The following TFB2M variants were observed in gnomAD, a reference collection of about 807,000 sequenced individuals.
TFB2M encodes transcription factor B2, mitochondrial, also known as dimethyladenosine transferase 2, mitochondrial.
Under a neutral mutation model 41.3 loss-of-function variants are expected in TFB2M, and 44 were observed. The observed-to-expected ratio is 1.07, with a 90% CI of 0.84 to 1.37. The LOEUF (loss-of-function observed/expected upper bound fraction) is 1.37. Ranked by LOEUF, TFB2M falls within the 40% of genes most tolerant of loss-of-function variation. TFB2M has a pLI of 0.00. For synonymous variants in TFB2M, 188 were observed against 176.8 expected, an observed-to-expected ratio of 1.06 and a Z score of -0.50; for missense variants, 496 against 490.2, an observed-to-expected ratio of 1.01 and a Z score of -0.11.
At chr1:246,559,824 G>A (rs1369581621) in intron 2 of TFB2M, among the ~76,000 whole-genome samples, 1 of 152,184 alleles carries the variant, frequency 6.6e-6, no homozygotes, top group African/African-American at 2.4e-5. Context: ...ACACTAGGGA[G>A]AAACAGAGGA....
At chr1:246,561,280 A>AG (rs1659449149) in intron 2 of TFB2M, among the ~76,000 whole-genome samples, 1 of 152,120 alleles carries the variant, frequency 6.6e-6, no homozygotes, top group Non-Finnish European at 1.5e-5. Context: ...GCCTTAATAG[A>AG]GAAAAAACTA....
chr1:246,558,217 G>A (rs1432110136), intron 2 of TFB2M, among the ~76,000 whole-genome samples: 2 of 148,432 alleles, frequency 1.3e-5, no homozygotes, highest in Non-Finnish European at 3.0e-5. Flanking sequence ...CGCAATCCCA[G>A]CTGACTGCAG....
At chr1:246,562,318 G>T in intron 2 of TFB2M, among the ~76,000 whole-genome samples, 1 of 152,212 alleles carries the variant, frequency 6.6e-6, no homozygotes, top group African/African-American at 2.4e-5. Flanking sequence ...ACTGGTTAAA[G>T]ACCCAAAGGA....
At chr1:246,554,259 T>A (rs1659260944) in intron 4 of TFB2M, among the ~76,000 whole-genome samples, 1 of 152,172 alleles carries the variant, frequency 6.6e-6, no homozygotes, top group African/African-American at 2.4e-5. Context: ...AACACTGGAT[T>A]TGGCAATGAT....
Position 246,566,016 on chromosome 1 carries a change from G to C in TFB2M, c.123C>G (p.His41Gln), listed in dbSNP as rs1659656632. 1.2e-6 allele frequency: 2 copies of C among 1,614,204 alleles called. No homozygotes were observed. The highest frequency in any genetic ancestry group is 1.7e-6 in the Non-Finnish European group (2 of 1,180,044). ...ATRKHLPARNHCGLSDSSPQL... is the reference protein window; with the variant it reads ...ATRKHLPARNQCGLSDSSPQL... ...GCGGAGAGGAGTCAGAGAGCCCACA[G>C]TGGTTCCTCGCCGGCAAATGCTTTC... The change falls in exon 1 of 8, where the codon CAC becomes CAG. Residue 41 changes from histidine to glutamine, a missense_variant. Physicochemically the swap from His to Gln is conservative, Grantham distance 24 (BLOSUM62 0). Coordinates refer to ENST00000366514, the MANE Select transcript of TFB2M (RefSeq NM_022366.3).
At chr1:246,554,706 C>T (rs1240669677) in intron 4 of TFB2M, among the ~76,000 whole-genome samples, 1 of 152,022 alleles carries the variant, frequency 6.6e-6, no homozygotes, top group African/African-American at 2.4e-5. Flanking sequence ...AAATGTGATG[C>T]ACTTGAATCA....
chr1:246,552,714 T>A (rs1391700222), intron 4 of TFB2M, among the ~76,000 whole-genome samples: 1 of 151,794 alleles, frequency 6.6e-6, no homozygotes, highest in Non-Finnish European at 1.5e-5. Flanking sequence ...AAATTTCTTT[T>A]AATGTTTTAA....
At chr1:246,550,100 G>C (rs11806038) in intron 5 of TFB2M, among the ~76,000 whole-genome samples, 41,382 of 152,114 alleles carry the variant, frequency 0.27, 6,331 homozygotes, top group East Asian at 0.66. Context: ...ACCTTTGAAA[G>C]CAAATACTAA....
At chr1:246,544,158 T>C (rs1658935236) in intron 7 of TFB2M, among the ~76,000 whole-genome samples, 1 of 152,172 alleles carries the variant, frequency 6.6e-6, no homozygotes, top group Non-Finnish European at 1.5e-5. Flanking sequence ...ACAGAACCAC[T>C]GAAGACAAGC....
rs1283392552 is a variant in TFB2M, at chr1:246,566,061, T to TA, written c.77dup (p.Leu26PhefsTer4). ...GCTTTCGCGTCGCCGCTTCAGACCCTAAAATGCAAAAGCGACCAGCGCCCG... is the reference window on the plus strand; with the variant it reads ...GCTTTCGCGTCGCCGCTTCAGACCCTAAAAATGCAAAAGCGACCAGCGCCCG... On this transcript the variant is annotated frameshift_variant, in exon 1 of 8. Transcript: ENST00000366514. LOFTEE classifies it high-confidence loss of function. 6.2e-7 allele frequency: 1 copy of TA among 1,613,218 alleles called. No homozygotes were observed. The highest frequency in any genetic ancestry group is 8.5e-7 in the Non-Finnish European group (1 of 1,179,698).
rs1558517613 is a variant in TFB2M, at chr1:246,565,915, A to G, written c.224T>C (p.Val75Ala). 6.2e-7 allele frequency: 1 copy of G among 1,614,194 alleles called. No homozygotes were observed. The highest frequency in any genetic ancestry group is 8.5e-7 in the Non-Finnish European group (1 of 1,180,008). The change falls in exon 1 of 8, where the codon GTA (valine) becomes GCA (alanine). Residue 75 changes from valine (V) to alanine (A), a missense_variant. Transcript: ENST00000366514. ...GGTCTCAGCCAATCTCCGATCGGTT[A>G]CGTAACGCTTAAAGTCTAAGCTGGC... is the stretch of plus-strand genomic sequence containing the variant. ...SKASLDFKRY[V>A]TDRRLAETLA...
chr1:246,557,064 T>A lies in TFB2M; in HGVS notation c.556+317A>T, dbSNP rs143171912. On this transcript the variant is annotated intron_variant, in intron 3 of 7. Coordinates refer to ENST00000366514, the MANE Select transcript of TFB2M (RefSeq NM_022366.3). Reference sequence around the variant, plus strand: ...CGAAGCGGGCAGATCACTTGAGGGCTGGAGTTTGAGACCAGCCTGGCCAAC... The same window carrying A: ...CGAAGCGGGCAGATCACTTGAGGGCAGGAGTTTGAGACCAGCCTGGCCAAC... Among the ~76,000 whole-genome samples the A allele has an allele frequency of 1.4e-3, 208 of 152,142 alleles. 1 individual carries two copies. Among genetic ancestry groups the A allele is most frequent in the African/African-American group, 4.8e-3 (199 of 41,540 alleles).
intron 7 of TFB2M, among the ~76,000 whole-genome samples, chr1:246,543,157 C>G (rs555918231): frequency 6.6e-6 from 1 of 152,040 alleles, no homozygotes; most frequent in African/African-American, 2.4e-5. Context: ...ACCACTGCAC[C>G]CAGGCTATTG....
chr1:246,566,185 T>TA lies in TFB2M; in HGVS notation c.-48dup, dbSNP rs758525016. 9.6e-6 allele frequency: 15 copies of TA among 1,561,452 alleles called. No homozygotes were observed. In the Admixed American group the frequency reaches 2.5e-4, roughly 26 times the overall value. On this transcript the variant is annotated 5_prime_UTR_variant, in exon 1 of 8. An upstream open reading frame in the 5' UTR loses its in-frame stop. Coordinates refer to ENST00000366514, the MANE Select transcript of TFB2M (RefSeq NM_022366.3). The stretch of plus-strand genomic sequence containing the variant: ...TCCAAGAATCACCTAGTGCAGCTAC[T>TA]ACAGTGAACCCCACGCAGGGTATCC...
Position 246,556,654 on chromosome 1 carries a change from T to C in TFB2M, c.624A>G (p.Ala208=). The change falls in exon 4 of 8, where the codon GCA becomes GCG. Residue 208 remains alanine (A), a synonymous_variant. Transcript: ENST00000366514. The part of the protein sequence containing the change: ...RGEKRALWKL[A]YDLYSCTSIY... ...TAGAAGTACAGGAATACAAGTCATA[T>C]GCGAGTTTCCAAAGTGCCCTTTTCT... 1 of 1,582,992 alleles carries C rather than the reference T, an allele frequency of 6.3e-7. No individual in the cohort carries two copies. Among genetic ancestry groups the C allele is most frequent in the South Asian group, 1.2e-5 (1 of 84,702 alleles).
At chr1:246,551,390 G>C in intron 4 of TFB2M, 88 bp from the exon 5 acceptor site, 2 of 909,730 alleles carry the variant, frequency 2.2e-6, no homozygotes, top group Non-Finnish European at 3.5e-6. Flanking sequence ...CTATCTTAAT[G>C]GCATCTAGAC....
intron 4 of TFB2M, among the ~76,000 whole-genome samples, chr1:246,553,584 C>A (rs1443642462): frequency 6.6e-6 from 1 of 151,712 alleles, no homozygotes; most frequent in Non-Finnish European, 1.5e-5. Context: ...GGAAGCATCA[C>A]CTGAGCCTGG....
chr1:246,552,923 G>T (rs949214103), intron 4 of TFB2M, among the ~76,000 whole-genome samples: 2 of 151,098 alleles, frequency 1.3e-5, no homozygotes, highest in South Asian at 4.2e-4. Flanking sequence ...AAAAACAAAG[G>T]GAGGGAAAAA....
At chr1:246,547,273 CG>C (rs1659047925) in intron 6 of TFB2M, among the ~76,000 whole-genome samples, 1 of 152,120 alleles carries the variant, frequency 6.6e-6, no homozygotes, top group Non-Finnish European at 1.5e-5. Flanking sequence ...TGAGCCACCA[CG>C]TCCGGCCAAG....
Sources: gnomAD v4.1 joint callset for allele counts (sites outside exome capture counted in the v4.1 genomes callset) on GRCh38, gnomAD v4.1.1 for gene constraint, MANE v1.5 for transcripts, NCBI Gene and HGNC (gene_info 2026-07-23, HGNC 2026-07-21) for gene names.